The following NSUN6 variants were observed in gnomAD, a reference collection of about 807,000 sequenced individuals.
The protein encoded by NSUN6 is tRNA (cytosine(72)-C(5))-methyltransferase NSUN6.
NSUN6 carries 64 observed loss-of-function variants against 58.0 expected under a neutral mutation model. That is an observed-to-expected ratio of 1.10 (90% CI 0.90 to 1.36). The LOEUF is 1.36. Ranked by LOEUF, NSUN6 falls within the 40% of genes most tolerant of loss-of-function variation. NSUN6 has a pLI of 0.00. For synonymous variants in NSUN6, 231 were observed against 193.9 expected (o/e 1.19, Z -1.59); for missense variants, 701 against 550.1 (o/e 1.27, Z -2.74).
At chr10:18,613,970 A>G (rs1406731336) in intron 5 of NSUN6, among the ~76,000 whole-genome samples, 1 of 152,208 alleles carries the variant, frequency 6.6e-6, no homozygotes, top group East Asian at 1.9e-4. Flanking sequence ...TTTAGAACAG[A>G]CTATATTTTA....
intron 5 of NSUN6, among the ~76,000 whole-genome samples, chr10:18,610,928 G>A (rs2058210257): frequency 6.6e-6 from 1 of 152,144 alleles, no homozygotes; most frequent in South Asian, 2.1e-4. Flanking sequence ...ATTTAAGCCG[G>A]CACAGTGGCT....
At chr10:18,581,581 CT>C (rs1239595786) in intron 8 of NSUN6, among the ~76,000 whole-genome samples, 1 of 152,192 alleles carries the variant, frequency 6.6e-6, no homozygotes, top group African/African-American at 2.4e-5. Flanking sequence ...AATTCCAGCA[CT>C]TTGGGAGGCC....
At chr10:18,640,682 C>T (rs541905947) in intron 3 of NSUN6, among the ~76,000 whole-genome samples, 1 of 152,214 alleles carries the variant, frequency 6.6e-6, no homozygotes, top group Admixed American at 6.5e-5. Flanking sequence ...GTCTTGGCTG[C>T]ACAGTTGTAC....
chr10:18,561,719 G>C (rs998933141), intron 8 of NSUN6, among the ~76,000 whole-genome samples: 4 of 150,558 alleles, frequency 2.7e-5, no homozygotes, highest in Non-Finnish European at 4.4e-5. Context: ...ATAGAATGGA[G>C]AAAGGAATAG....
At chr10:18,627,145 A>G (rs2058840121) in intron 3 of NSUN6, among the ~76,000 whole-genome samples, 2 of 152,208 alleles carry the variant, frequency 1.3e-5, no homozygotes, top group African/African-American at 4.8e-5. Flanking sequence ...AGAAATTAAA[A>G]TATATTTCAC....
chr10:18,627,301 T>C (rs149337274), intron 3 of NSUN6, among the ~76,000 whole-genome samples: 52 of 152,364 alleles, frequency 3.4e-4, no homozygotes, highest in African/African-American at 1.2e-3. Flanking sequence ...CTGATTCATT[T>C]GTATTTTAAA....
intron 9 of NSUN6, 56 bp from the exon 10 acceptor site, chr10:18,548,293 T>A: frequency 6.7e-7 from 1 of 1,498,116 alleles, no homozygotes. Flanking sequence ...AACATATGAA[T>A]GAATTTCAAA....
intron 3 of NSUN6, among the ~76,000 whole-genome samples, chr10:18,639,926 T>A (rs1285422035): frequency 6.6e-6 from 1 of 152,206 alleles, no homozygotes; most frequent in Non-Finnish European, 1.5e-5. Flanking sequence ...TTATTCTGTG[T>A]CATATCAGTT....
At chr10:18,627,937 G>C (rs1371114421) in intron 3 of NSUN6, among the ~76,000 whole-genome samples, 2 of 152,242 alleles carry the variant, frequency 1.3e-5, no homozygotes, top group Non-Finnish European at 2.9e-5. Flanking sequence ...GCCTCTGTAG[G>C]CTCCACCTCT....
chr10:18,623,769 A>G (rs893808919), intron 3 of NSUN6, among the ~76,000 whole-genome samples: 8 of 152,238 alleles, frequency 5.3e-5, no homozygotes, highest in African/African-American at 1.7e-4. Flanking sequence ...GCAGAGATTA[A>G]ATGAAAAAGA....
intron 3 of NSUN6, among the ~76,000 whole-genome samples, chr10:18,620,089 A>T (rs1156838741): frequency 1.2e-5 from 1 of 83,832 alleles, no homozygotes; most frequent in Non-Finnish European, 2.4e-5. Context: ...CTAATAAAAA[A>T]AATTTTTTTT....
intron 9 of NSUN6, among the ~76,000 whole-genome samples, chr10:18,548,891 C>T (rs756783198): frequency 6.6e-6 from 1 of 152,146 alleles, no homozygotes; most frequent in Non-Finnish European, 1.5e-5. Context: ...TCTGACTCCC[C>T]CAAACATCAC....
At chr10:18,634,594 A>C (rs545563479) in intron 3 of NSUN6, among the ~76,000 whole-genome samples, 2 of 143,526 alleles carry the variant, frequency 1.4e-5, no homozygotes, top group African/African-American at 2.6e-5. Context: ...TACTAAAAAA[A>C]ATACAAAAAA....
intron 4 of NSUN6, among the ~76,000 whole-genome samples, chr10:18,615,106 C>CATATATATATATATATATAT (rs5783616): frequency 2.7e-5 from 4 of 147,040 alleles, no homozygotes; most frequent in African/African-American, 7.6e-5. Context: ...TATAGTCATT[C>CATATATATATATATATATAT]ATATATATAT....
intron 8 of NSUN6, among the ~76,000 whole-genome samples, chr10:18,568,932 G>A (rs576159800): frequency 1.4e-5 from 2 of 139,560 alleles, no homozygotes; most frequent in Admixed American, 7.2e-5. Context: ...TTCTCCATTT[G>A]GTTCTCCATT....
At chr10:18,632,267 A>G (rs2059058013) in intron 3 of NSUN6, among the ~76,000 whole-genome samples, 1 of 150,686 alleles carries the variant, frequency 6.6e-6, no homozygotes, top group South Asian at 2.1e-4. Context: ...AGATGGATTA[A>G]AGACTTAAAC....
intron 5 of NSUN6, among the ~76,000 whole-genome samples, chr10:18,613,579 G>A (rs530210748): frequency 6.6e-6 from 1 of 152,190 alleles, no homozygotes; most frequent in South Asian, 2.1e-4. Context: ...CCAATTACAG[G>A]TCCAAAGATA....
At chr10:18,627,185 T>C (rs186204646) in intron 3 of NSUN6, among the ~76,000 whole-genome samples, 1 of 152,160 alleles carries the variant, frequency 6.6e-6, no homozygotes, top group Non-Finnish European at 1.5e-5. Context: ...TTAAGTAAAC[T>C]GAAGAAACCA....
upstream of NSUN6, chr10:18,652,380 A>G (rs969377607): frequency 7.1e-6 from 7 of 983,882 alleles, no homozygotes; most frequent in Admixed American, 6.1e-5. Flanking sequence ...TAATTTACAC[A>G]TAAGTATAGG....
Sources: gnomAD v4.1 joint callset for allele counts (sites outside exome capture counted in the v4.1 genomes callset) on GRCh38, gnomAD v4.1.1 for gene constraint, MANE v1.5 for transcripts, NCBI Gene and HGNC (gene_info 2026-07-23, HGNC 2026-07-21) for gene names.